The following ASIC2 variants were observed in gnomAD, a reference collection of about 807,000 sequenced individuals.
ASIC2 encodes acid sensing ion channel subunit 2.
A neutral mutation model predicts 57.3 loss-of-function variants in ASIC2; 25 were observed. The observed-to-expected ratio is 0.44, with a 90% CI of 0.32 to 0.61. The LOEUF (loss-of-function observed/expected upper bound fraction) is 0.61. Among genes scored for constraint, ASIC2 ranks in the 20% least tolerant of loss-of-function variants. The pLI is 0.06. For missense variants in ASIC2, 641 were observed against 738.1 expected, an observed-to-expected ratio of 0.87 and a Z score of 1.52; for synonymous variants, 319 against 307.5, an observed-to-expected ratio of 1.04 and a Z score of -0.39.
chr17:33,146,901 CATAGCAA>C (rs2142024452), intron 1 of ASIC2, among the ~76,000 whole-genome samples: 1 of 152,366 alleles, frequency 6.6e-6, no homozygotes, highest in East Asian at 1.9e-4. Context: ...GAAATCAGCT[CATAGCAA>C]ACCCAACCTG....
intron 1 of ASIC2, among the ~76,000 whole-genome samples, chr17:33,243,911 C>T (rs1908601400): frequency 6.6e-6 from 1 of 152,158 alleles, no homozygotes; most frequent in Non-Finnish European, 1.5e-5. Context: ...TTGGCTTTGC[C>T]ACAAATTGGC....
rs529447206 is a variant in ASIC2, at chr17:33,253,370, C to T, written c.708+38038G>A. Among the ~76,000 whole-genome samples, 181 of 152,044 alleles carry T rather than the reference C, an allele frequency of 1.2e-3. 1 individual carries two copies. The highest frequency in any genetic ancestry group is 4.0e-3 in the African/African-American group (167 of 41,474). ...ACAAACACAATCATGTGTGCATGCA[C>T]GTATATGCACACCATGCCTCATTTG... is the stretch of plus-strand genomic sequence containing the variant. On this transcript the variant is annotated intron_variant, in intron 1 of 9. Coordinates refer to ENST00000225823, the MANE Select transcript of ASIC2 (RefSeq NM_183377.2).
chr17:33,579,682 G>C (rs375264469), intron 1 of ASIC2, among the ~76,000 whole-genome samples: 2 of 152,160 alleles, frequency 1.3e-5, no homozygotes, highest in African/African-American at 4.8e-5. Flanking sequence ...GACTTCTAGA[G>C]TGAAGCTACA....
intron 1 of ASIC2, among the ~76,000 whole-genome samples, chr17:33,761,182 T>A (rs985344231): frequency 2.0e-5 from 3 of 152,204 alleles, no homozygotes; most frequent in Non-Finnish European, 4.4e-5. Flanking sequence ...GCCACCTTCA[T>A]CCCAATCCAT....
chr17:33,340,102 C>A lies in ASIC2; in HGVS notation c.556-228035G>T, dbSNP rs538359390. On this transcript the variant is annotated intron_variant, in intron 1 of 9. Coordinates refer to the ASIC2 transcript ENST00000359872. ...TACATCTTAAATGCCTAATACATAA[C>A]CAATTGCCACAAATGTGGAAATGTC... Among the ~76,000 whole-genome samples, 18 of 152,242 alleles carry A rather than the reference C, an allele frequency of 1.2e-4. No homozygotes were observed. In the South Asian group the frequency reaches 1.2e-3, roughly 11 times the overall value.
At chr17:33,470,650 A>C (rs759361660) in intron 1 of ASIC2, among the ~76,000 whole-genome samples, 15 of 152,144 alleles carry the variant, frequency 9.9e-5, no homozygotes, top group Admixed American at 5.2e-4. Context: ...TCTTGCTGGG[A>C]TAGTGGGACT....
chr17:33,397,284 C>T (rs1173909849), intron 1 of ASIC2, among the ~76,000 whole-genome samples: 1 of 152,190 alleles, frequency 6.6e-6, no homozygotes, highest in African/African-American at 2.4e-5. Flanking sequence ...ACAGTTTCTC[C>T]ACCCTTAGTT....
chr17:33,313,377 C>T (rs1031855498), intron 1 of ASIC2, among the ~76,000 whole-genome samples: 7 of 151,846 alleles, frequency 4.6e-5, no homozygotes, highest in African/African-American at 1.7e-4. Context: ...GCTCTGCACA[C>T]TCTGGGAAGA....
intron 9 of ASIC2, 37 bp downstream of exon 9, chr17:33,015,934 G>A (rs768662417): frequency 6.2e-7 from 1 of 1,610,734 alleles, no homozygotes; most frequent in South Asian, 1.1e-5. Context: ...ACAAGCCAGA[G>A]CAGCAGAACA....
intron 1 of ASIC2, among the ~76,000 whole-genome samples, chr17:34,151,770 C>T (rs1310828146): frequency 2.6e-5 from 4 of 152,186 alleles, no homozygotes; most frequent in Non-Finnish European, 4.4e-5. Flanking sequence ...CTGCGGGACA[C>T]TAAGCAAAGC....
rs116669016 is a variant in ASIC2 at position 33,743,693 on chromosome 17, C to G, written c.555+412285G>C. On this transcript the variant is annotated intron_variant, in intron 1 of 9. Coordinates refer to the ASIC2 transcript ENST00000359872. ...CAGCATTTGGATTTCAATCACAACA[C>G]GAGCTCTTTCCTGGGATTCAGCCTG... Among the ~76,000 whole-genome samples the G allele has an allele frequency of 2.0e-5, 3 of 152,202 alleles. No homozygotes were observed. In the South Asian group the frequency reaches 6.2e-4, roughly 31 times the overall value.
At chr17:33,790,337 GA>G (rs773269577) in intron 1 of ASIC2, among the ~76,000 whole-genome samples, 1 of 152,056 alleles carries the variant, frequency 6.6e-6, no homozygotes, top group African/African-American at 2.4e-5. Context: ...TCACTCTCTA[GA>G]AAATTGTTAT....
rs566180852 is a variant in ASIC2, at chr17:33,659,381, A to G, written c.555+496597T>C. Among the ~76,000 whole-genome samples the G allele has an allele frequency of 2.6e-5, 4 of 152,156 alleles. No individual in the cohort carries two copies. In the South Asian group the frequency reaches 8.3e-4, roughly 32 times the overall value. On this transcript the variant is annotated intron_variant, in intron 1 of 9. Coordinates refer to the ASIC2 transcript ENST00000359872. ...GACTTTATCATTGTGCAGACATCAG[A>G]GAGTGTGCTTACAAAGCCTCCGTGG... is the stretch of plus-strand genomic sequence containing the variant.
At chr17:33,605,573 T>C (rs189549633) in intron 1 of ASIC2, among the ~76,000 whole-genome samples, 2 of 152,212 alleles carry the variant, frequency 1.3e-5, no homozygotes, top group Non-Finnish European at 2.9e-5. Context: ...TGCTTTATGC[T>C]GCTAAACTGG....
At chr17:33,826,800 G>C (rs767168599) in intron 1 of ASIC2, among the ~76,000 whole-genome samples, 5 of 152,178 alleles carry the variant, frequency 3.3e-5, no homozygotes, top group Admixed American at 6.5e-5. Context: ...AGGAAAGGTA[G>C]AGTCAGACAT....
At chr17:33,182,845 C>T (rs191171989) in intron 1 of ASIC2, among the ~76,000 whole-genome samples, 12 of 152,204 alleles carry the variant, frequency 7.9e-5, no homozygotes, top group East Asian at 3.9e-4. Flanking sequence ...AATTCGTTCC[C>T]GCCCAAACTC....
intron 4 of ASIC2, 65 bp from the exon 5 acceptor site, chr17:33,026,047 C>T (rs2091858089): frequency 1.9e-6 from 3 of 1,567,458 alleles, no homozygotes; most frequent in South Asian, 2.3e-5. Context: ...AACACCTCCT[C>T]TGCTTTGGGC....
intron 1 of ASIC2, among the ~76,000 whole-genome samples, chr17:33,145,022 C>G (rs1294382883): frequency 1.3e-5 from 2 of 152,208 alleles, no homozygotes; most frequent in Non-Finnish European, 1.5e-5. Context: ...AGTGCTTACT[C>G]TCCTCCAGGA....
intron 1 of ASIC2, among the ~76,000 whole-genome samples, chr17:33,217,234 TG>T (rs1179050880): frequency 2.6e-5 from 4 of 152,116 alleles, no homozygotes; most frequent in Middle Eastern, 3.2e-3. Flanking sequence ...CAAATGGATG[TG>T]GGATATGAAG....
Sources: gnomAD v4.1 joint callset for allele counts (sites outside exome capture counted in the v4.1 genomes callset) on GRCh38, gnomAD v4.1.1 for gene constraint, MANE v1.5 for transcripts, NCBI Gene and HGNC (gene_info 2026-07-23, HGNC 2026-07-21) for gene names.